Variants in SPATA9 observed in about 807,000 individuals in gnomAD.
SPATA9 encodes spermatogenesis associated 9.
In SPATA9, 27 loss-of-function variants were observed where a neutral mutation model predicts 25.5. The ratio of observed to expected loss-of-function variants is 1.06; its 90% CI spans 0.78 to 1.46. The LOEUF is 1.46. SPATA9 is among the 40% of genes most tolerant of loss of function. The pLI is 0.00. For synonymous variants in SPATA9, 102 were observed against 105.7 expected (o/e 0.97, Z 0.21); for missense variants, 282 against 297.5 (o/e 0.95, Z 0.38).
chr5:95,693,004 T>C (rs930124168), intron 1 of SPATA9, among the ~76,000 whole-genome samples: 3 of 152,248 alleles, frequency 2.0e-5, no homozygotes, highest in Non-Finnish European at 4.4e-5. Context: ...AATATATTAC[T>C]GAAAAAGAAA....
chr5:95,731,792 T>C, the SPATA9 span: 29 of 1,603,548 alleles, frequency 1.8e-5, no homozygotes, highest in Admixed American at 2.2e-4. Flanking sequence ...CCGCACTTCC[T>C]GTTCCGAGGA....
the SPATA9 span, among the ~76,000 whole-genome samples, chr5:95,709,045 G>C: frequency 2.6e-5 from 4 of 152,150 alleles, no homozygotes; most frequent in African/African-American, 9.7e-5. Flanking sequence ...ATCCAAGCAG[G>C]AATTCAATCC....
the SPATA9 span, chr5:95,731,797 C>T: frequency 6.2e-7 from 1 of 1,601,832 alleles, no homozygotes; most frequent in Non-Finnish European, 8.5e-7. Flanking sequence ...CTTCCTGTTC[C>T]GAGGAGAGAC....
At chr5:95,677,651 G>T (rs1753072104) in intron 2 of SPATA9, among the ~76,000 whole-genome samples, 1 of 151,990 alleles carries the variant, frequency 6.6e-6, no homozygotes, top group South Asian at 2.1e-4. Flanking sequence ...AAAAAGCATA[G>T]AGAATTCAGA....
chr5:95,653,567 G>A (rs956329783), downstream of SPATA9, among the ~76,000 whole-genome samples: 1 of 152,222 alleles, frequency 6.6e-6, no homozygotes, highest in Admixed American at 6.5e-5. Flanking sequence ...GTCTTTAAGA[G>A]TCTCTAACGC....
upstream of SPATA9, among the ~76,000 whole-genome samples, chr5:95,702,387 T>C (rs774732990): frequency 1.3e-5 from 2 of 152,198 alleles, no homozygotes; most frequent in Non-Finnish European, 2.9e-5. Flanking sequence ...TGCAGAGCAC[T>C]TCCAGGCACA....
At chr5:95,675,819 CTTTTTTTTTT>C (rs33943918) in intron 2 of SPATA9, among the ~76,000 whole-genome samples, 180 bp from the exon 3 acceptor site, 3 of 108,028 alleles carry the variant, frequency 2.8e-5, no homozygotes, top group African/African-American at 7.3e-5. Context: ...GTACTTAAAC[CTTTTTTTTTT>C]TTTTTTTTTT....
At chr5:95,724,947 G>A in the SPATA9 span, among the ~76,000 whole-genome samples, 1 of 152,168 alleles carries the variant, frequency 6.6e-6, no homozygotes, top group South Asian at 2.1e-4. Flanking sequence ...CAGCTACTTG[G>A]GAGGCTGAGG....
At chr5:95,718,355 G>T in the SPATA9 span, among the ~76,000 whole-genome samples, 1 of 152,172 alleles carries the variant, frequency 6.6e-6, no homozygotes, top group Non-Finnish European at 1.5e-5. Context: ...CTATCAGAGG[G>T]ATCAGCCTGA....
At chr5:95,713,303 C>T in the SPATA9 span, among the ~76,000 whole-genome samples, 5 of 151,584 alleles carry the variant, frequency 3.3e-5, no homozygotes, top group African/African-American at 9.7e-5. Context: ...GATTTGTGTC[C>T]CCACCCAAAT....
chr5:95,702,776 G>C (rs1754209565), upstream of SPATA9, among the ~76,000 whole-genome samples: 1 of 152,122 alleles, frequency 6.6e-6, no homozygotes, highest in African/African-American at 2.4e-5. Flanking sequence ...AGTTACTCTG[G>C]AAGTTTAGGA....
chr5:95,708,939 A>C, the SPATA9 span: 1 of 263,386 alleles, frequency 3.8e-6, no homozygotes, highest in South Asian at 5.9e-5. Flanking sequence ...TAACAGTTTC[A>C]CCCGACTTAG....
intron 1 of SPATA9, among the ~76,000 whole-genome samples, chr5:95,694,490 T>C (rs970027603): frequency 1.3e-5 from 2 of 152,210 alleles, no homozygotes; most frequent in Admixed American, 6.5e-5. Flanking sequence ...CATTCAACAG[T>C]GCTAAAAATA....
intron 3 of SPATA9, among the ~76,000 whole-genome samples, chr5:95,665,860 T>C (rs1213055655): frequency 1.3e-5 from 2 of 152,106 alleles, no homozygotes; most frequent in Non-Finnish European, 2.9e-5. Context: ...TCCCAGCTAC[T>C]TGGGAGGCTG....
chr5:95,707,747 G>A, the SPATA9 span, among the ~76,000 whole-genome samples: 1 of 152,100 alleles, frequency 6.6e-6, no homozygotes, highest in Non-Finnish European at 1.5e-5. Context: ...GGAGGGAGCT[G>A]CCAGTGAAAG....
chr5:95,731,487 G>A, the SPATA9 span: 2 of 1,236,860 alleles, frequency 1.6e-6, no homozygotes, highest in East Asian at 3.5e-5. Context: ...CCGCTAGCCC[G>A]CCCTGGTCCC....
At chr5:95,670,952 A>G (rs1286815870) in intron 3 of SPATA9, 5 of 957,554 alleles carry the variant, frequency 5.2e-6, no homozygotes, top group African/African-American at 1.8e-5. Context: ...TCTGATTATC[A>G]ACCCTAGCTA....
chr5:95,701,040 A>AT (rs1481027081), upstream of SPATA9, among the ~76,000 whole-genome samples: 1 of 152,222 alleles, frequency 6.6e-6, no homozygotes, highest in African/African-American at 2.4e-5. Flanking sequence ...GGCCACAAAG[A>AT]TTTTTAAAAT....
intron 1 of SPATA9, among the ~76,000 whole-genome samples, chr5:95,691,951 G>A (rs2548134): frequency 0.57 from 86,445 of 151,948 alleles, 24,759 homozygotes; most frequent in East Asian, 0.8. Flanking sequence ...GAATATGATC[G>A]CTTTTGCCCC....
Sources: allele counts gnomAD v4.1 joint callset (sites outside exome capture counted in the v4.1 genomes callset), GRCh38; gene constraint gnomAD v4.1.1; transcripts MANE v1.5; gene names NCBI Gene and HGNC (gene_info 2026-07-23, HGNC 2026-07-21).